Variants in ACER3 observed in about 807,000 individuals in gnomAD.
ACER3 encodes the protein alkaline ceramidase 3.
Under a neutral mutation model 48.9 loss-of-function variants are expected in ACER3, and 16 were observed. That is an observed-to-expected ratio of 0.33 (90% CI 0.22 to 0.50). The LOEUF is 0.50. ACER3 is among the 20% of genes least tolerant of loss of function. The pLI, the probability that ACER3 is intolerant of heterozygous loss-of-function variation, is 0.98. For missense variants in ACER3, 227 were observed against 326.0 expected (o/e 0.70, Z 2.34); for synonymous variants, 109 against 107.8 (o/e 1.01, Z -0.07).
At chr11:76,909,019 G>A (rs549424786) in intron 1 of ACER3, among the ~76,000 whole-genome samples, 3 of 152,116 alleles carry the variant, frequency 2.0e-5, no homozygotes, top group Non-Finnish European at 2.9e-5. Context: ...AAGAAATGGG[G>A]GAAAGGATTC....
intron 6 of ACER3, chr11:76,994,201 G>A (rs549105132): frequency 1.8e-5 from 8 of 452,252 alleles, no homozygotes; most frequent in African/African-American, 6.0e-5. Flanking sequence ...GCACAATCTC[G>A]GCTCATTGGA....
chr11:76,955,086 C>T (rs1947800334), intron 2 of ACER3, among the ~76,000 whole-genome samples: 1 of 152,136 alleles, frequency 6.6e-6, no homozygotes, highest in African/African-American at 2.4e-5. Context: ...CACTTCACAT[C>T]CATTAGGATG....
intron 3 of ACER3, among the ~76,000 whole-genome samples, chr11:76,965,562 G>C (rs1359054640): frequency 6.6e-6 from 1 of 151,348 alleles, no homozygotes; most frequent in Non-Finnish European, 1.5e-5. Flanking sequence ...CAGACAGAAA[G>C]GTAGGGTTAC....
intron 3 of ACER3, among the ~76,000 whole-genome samples, chr11:76,963,832 C>A (rs12278380): frequency 0.022 from 3,387 of 151,392 alleles, 313 homozygotes; most frequent in African/African-American, 0.08. Context: ...GAAACCTGGT[C>A]AAGTAGCCAA....
intron 2 of ACER3, among the ~76,000 whole-genome samples, chr11:76,954,628 T>G (rs780742284): frequency 1.6e-4 from 24 of 148,330 alleles, no homozygotes; most frequent in Admixed American, 4.0e-4. Flanking sequence ...TTTGACAAGA[T>G]TTCACTCTGT....
chr11:76,975,965 G>A (rs1948432109), intron 3 of ACER3, among the ~76,000 whole-genome samples: 1 of 137,898 alleles, frequency 7.3e-6, no homozygotes, highest in African/African-American at 2.8e-5. Context: ...CTGCAGCCTC[G>A]ACCTCTCAGG....
At chr11:76,989,576 CAAAGT>C (rs1948756992) in intron 5 of ACER3, among the ~76,000 whole-genome samples, 1 of 151,978 alleles carries the variant, frequency 6.6e-6, no homozygotes, top group East Asian at 1.9e-4. Context: ...GATTTCTGAA[CAAAGT>C]AAAGAGCAGC....
intron 1 of ACER3, among the ~76,000 whole-genome samples, chr11:76,867,047 GTTC>G (rs1945108040): frequency 2.6e-5 from 4 of 152,148 alleles, no homozygotes; most frequent in Non-Finnish European, 5.9e-5. Flanking sequence ...GAATATGGGT[GTTC>G]AGAAAAGAAT....
At chr11:76,901,834 C>T (rs551513142) in intron 1 of ACER3, among the ~76,000 whole-genome samples, 2 of 152,272 alleles carry the variant, frequency 1.3e-5, no homozygotes, top group South Asian at 4.1e-4. Context: ...AGGAGTGGAT[C>T]TTTAACTACC....
At chr11:76,918,228 A>G (rs1946589936) in intron 1 of ACER3, among the ~76,000 whole-genome samples, 1 of 150,926 alleles carries the variant, frequency 6.6e-6, no homozygotes, top group South Asian at 2.1e-4. Flanking sequence ...TGTGTTTATC[A>G]TTTTTTAAAG....
intron 8 of ACER3, among the ~76,000 whole-genome samples, 169 bp from the exon 9 acceptor site, chr11:77,016,506 C>T (rs1215569523): frequency 6.6e-6 from 1 of 152,210 alleles, no homozygotes; most frequent in East Asian, 1.9e-4. Flanking sequence ...TTGTTGAATA[C>T]TGTTCCTCAG....
At chr11:76,870,062 A>T (rs1220447915) in intron 1 of ACER3, among the ~76,000 whole-genome samples, 2 of 151,362 alleles carry the variant, frequency 1.3e-5, no homozygotes, top group East Asian at 3.9e-4. Flanking sequence ...AGATCTTACT[A>T]TGTTGCCCAG....
intron 4 of ACER3, 73 bp downstream of exon 4, chr11:76,976,414 C>A: frequency 2.6e-5 from 21 of 803,366 alleles, no homozygotes; most frequent in African/African-American, 5.3e-5. Context: ...ATTAATATAA[C>A]TGATACATTT....
intron 1 of ACER3, among the ~76,000 whole-genome samples, chr11:76,864,919 A>ATT (rs34901215): frequency 0.02 from 2,347 of 115,892 alleles, 90 homozygotes; most frequent in African/African-American, 0.069. Context: ...TTTTAAATTA[A>ATT]TTTTTTTTTT....
At position 76,925,470 on chromosome 11, in the gene ACER3, T is replaced by C. The variant is rs75944399; in HGVS notation, c.104-1087T>C. Among the ~76,000 whole-genome samples, 982 of 152,348 alleles carry C rather than the reference T, an allele frequency of 6.4e-3. 10 individuals are homozygous for C. The highest frequency in any genetic ancestry group is 0.022 in the African/African-American group (926 of 41,582). On this transcript the variant is annotated intron_variant, in intron 1 of 10. Transcript: ENST00000532485. ...CACCTCTGTCAAATGCCCATTGGCATTTTTTCCCCAAAATTTTTTAATTTA... is the reference window on the plus strand; with the variant it reads ...CACCTCTGTCAAATGCCCATTGGCACTTTTTCCCCAAAATTTTTTAATTTA...
At chr11:76,895,193 T>C (rs143019896) in intron 1 of ACER3, among the ~76,000 whole-genome samples, 1 of 152,194 alleles carries the variant, frequency 6.6e-6, no homozygotes, top group Non-Finnish European at 1.5e-5. Flanking sequence ...AATGTCAACA[T>C]TATTATATAC....
chr11:76,940,719 C>T (rs1947315229), intron 2 of ACER3, among the ~76,000 whole-genome samples: 1 of 152,120 alleles, frequency 6.6e-6, no homozygotes, highest in Non-Finnish European at 1.5e-5. Flanking sequence ...TTTTGGATTG[C>T]ACTTATATCA....
chr11:77,021,162 A>G lies in ACER3; in HGVS notation c.*835A>G, dbSNP rs1949465112. 1 of 152,246 alleles carries G rather than the reference A, an allele frequency of 6.6e-6. No individual in the cohort carries two copies. The highest frequency in any genetic ancestry group is 1.9e-4 in the East Asian group (1 of 5,200). 9.4% of individuals were successfully genotyped at this position (152,246 alleles called of 1,614,324 possible). A position where few individuals can be genotyped will look rare whatever the true frequency, so the allele number is the denominator to read the frequency against. ...TGGTGGTCTAGACTACCCATAGTTC[A>G]TCCTCCTCACATAACTTATTTGAAG... On this transcript the variant is annotated 3_prime_UTR_variant, in exon 11 of 11. Transcript: ENST00000532485.
intron 1 of ACER3, among the ~76,000 whole-genome samples, chr11:76,918,895 A>G (rs1157467405): frequency 6.6e-6 from 1 of 152,212 alleles, no homozygotes; most frequent in Non-Finnish European, 1.5e-5. Flanking sequence ...CTCCCTATCT[A>G]CATCCATCTC....
Sources: allele counts gnomAD v4.1 joint callset (sites outside exome capture counted in the v4.1 genomes callset), GRCh38; gene constraint gnomAD v4.1.1; transcripts MANE v1.5; gene names NCBI Gene and HGNC (gene_info 2026-07-23, HGNC 2026-07-21).